The following PCDH15 variants were observed in gnomAD, a reference collection of about 807,000 sequenced individuals.
The protein encoded by PCDH15 is protocadherin-15.
Under a neutral mutation model 178.5 loss-of-function variants are expected in PCDH15, and 129 were observed. The observed-to-expected ratio is 0.72, with a 90% CI of 0.63 to 0.84. The LOEUF (loss-of-function observed/expected upper bound fraction) is 0.84. PCDH15 is among the 40% of genes least tolerant of loss of function. The pLI is 0.00. For synonymous variants in PCDH15, 800 were observed against 732.0 expected (o/e 1.09, Z -1.50); for missense variants, 2,230 against 2,099.9 (o/e 1.06, Z -1.21).
At chr10:54,760,671 G>C (rs1947764553) in intron 1 of PCDH15, among the ~76,000 whole-genome samples, 1 of 152,048 alleles carries the variant, frequency 6.6e-6, no homozygotes, top group Admixed American at 6.5e-5. Context: ...TTATTTATCA[G>C]GACTGTGAAC....
intron 2 of PCDH15, among the ~76,000 whole-genome samples, chr10:55,011,487 G>T (rs574862976): frequency 1.1e-4 from 16 of 152,162 alleles, no homozygotes; most frequent in African/African-American, 3.6e-4. Context: ...TCTAATTGTG[G>T]TTGTGTTACT....
chr10:54,054,940 T>A lies in PCDH15; in HGVS notation c.2220+11817A>T, dbSNP rs187188909. 5.6e-3 allele frequency among the ~76,000 whole-genome samples: 852 copies of A among 152,284 alleles called. 4 individuals are homozygous for A. Among genetic ancestry groups the A allele is most frequent in the Non-Finnish European group, 8.5e-3 (579 of 68,002 alleles). On this transcript the variant is annotated intron_variant, in intron 18 of 37. Coordinates refer to ENST00000644397, the MANE Select transcript of PCDH15 (RefSeq NM_001384140.1). ...AAAGAATTATTACAGTTTTAGGCAC[T>A]GTTGAGTGTCATACTGAGCTACAAA...
intron 3 of PCDH15, among the ~76,000 whole-genome samples, chr10:54,816,381 A>T (rs1216757637): frequency 1.3e-5 from 2 of 152,106 alleles, no homozygotes; most frequent in African/African-American, 4.8e-5. Context: ...AGTGAGGAAG[A>T]AAGACACAGT....
rs116556995 is a variant in PCDH15, at chr10:55,412,445, G to T, written c.-156+215180C>A. Among the ~76,000 whole-genome samples the T allele has an allele frequency of 3.9e-3, 594 of 152,056 alleles. 7 individuals carry two copies. The highest frequency in any genetic ancestry group is 0.013 in the African/African-American group (549 of 41,522). ...AAAGCATGCCTGCATATGTGCAATAGAGTAGAGTGGGGAGTGTGGCTAGGT... is the reference window on the plus strand; with the variant it reads ...AAAGCATGCCTGCATATGTGCAATATAGTAGAGTGGGGAGTGTGGCTAGGT... On this transcript the variant is annotated intron_variant, in intron 2 of 5. Coordinates refer to the PCDH15 transcript ENST00000613346.
At chr10:53,825,251 A>T (rs903611086) in intron 32 of PCDH15, 1 of 1,313,026 alleles carries the variant, frequency 7.6e-7, no homozygotes, top group African/African-American at 1.5e-5. Context: ...TGCTTTAAAC[A>T]AACACTTAGT....
chr10:54,851,577 TTA>T (rs1249214958), intron 3 of PCDH15, among the ~76,000 whole-genome samples: 1 of 152,050 alleles, frequency 6.6e-6, no homozygotes, highest in East Asian at 1.9e-4. Flanking sequence ...TCTGAGTATT[TTA>T]TGTGTGTGTG....
At chr10:55,516,887 A>G (rs1454880216) in intron 2 of PCDH15, among the ~76,000 whole-genome samples, 1 of 152,052 alleles carries the variant, frequency 6.6e-6, no homozygotes, top group Non-Finnish European at 1.5e-5. Context: ...CTCCTCTGTA[A>G]TTTTATATCA....
chr10:55,368,624 G>A (rs1293611608), intron 2 of PCDH15, among the ~76,000 whole-genome samples: 2 of 152,062 alleles, frequency 1.3e-5, no homozygotes, highest in Non-Finnish European at 2.9e-5. Context: ...TTGTGAAATG[G>A]ACAGCTAATA....
rs147638562 is a variant in PCDH15, at chr10:55,047,206, C to T, written c.-80+119370G>A. Among the ~76,000 whole-genome samples, 395 of 151,864 alleles carry T rather than the reference C, an allele frequency of 2.6e-3. 2 individuals carry two copies. The highest frequency in any genetic ancestry group is 9.2e-3 in the African/African-American group (382 of 41,500). ...ATTAGTATGGTTGAAATACTTAATACTATTTAATTCTTGGTACATAGCAAA... is the reference window on the plus strand; with the variant it reads ...ATTAGTATGGTTGAAATACTTAATATTATTTAATTCTTGGTACATAGCAAA... On this transcript the variant is annotated intron_variant, in intron 2 of 5. Coordinates refer to the PCDH15 transcript ENST00000458638.
chr10:54,391,235 T>C (rs1023876016), intron 3 of PCDH15, among the ~76,000 whole-genome samples: 20 of 152,306 alleles, frequency 1.3e-4, no homozygotes, highest in African/African-American at 4.8e-4. Flanking sequence ...ACTCATCCCA[T>C]GCCACCACAG....
At chr10:54,792,629 A>C (rs1455226068) in intron 1 of PCDH15, among the ~76,000 whole-genome samples, 1 of 151,850 alleles carries the variant, frequency 6.6e-6, no homozygotes, top group Admixed American at 6.6e-5. Flanking sequence ...TGAGTCCTTT[A>C]CCATCAGACT....
intron 2 of PCDH15, among the ~76,000 whole-genome samples, chr10:55,039,432 C>T (rs11004696): frequency 0.56 from 84,752 of 151,834 alleles, 24,108 homozygotes; most frequent in East Asian, 0.75. Flanking sequence ...TAAGAATATT[C>T]CTCTTCCAGT....
chr10:53,968,419 C>T (rs951053169), intron 21 of PCDH15, among the ~76,000 whole-genome samples: 1 of 152,202 alleles, frequency 6.6e-6, no homozygotes, highest in African/African-American at 2.4e-5. Context: ...GACTCCACCT[C>T]TGGGGGCAGG....
At chr10:53,974,061 G>A (rs948644808) in intron 21 of PCDH15, among the ~76,000 whole-genome samples, 1 of 151,930 alleles carries the variant, frequency 6.6e-6, no homozygotes, top group East Asian at 1.9e-4. Context: ...TCTGTCGTCC[G>A]GGCTGGAAGG....
intron 2 of PCDH15, among the ~76,000 whole-genome samples, chr10:55,482,898 T>C (rs1185011116): frequency 6.6e-6 from 1 of 151,840 alleles, no homozygotes; most frequent in Non-Finnish European, 1.5e-5. Context: ...TCATGGATGA[T>C]AGCCTTAAAT....
At chr10:55,061,065 A>G (rs1841416596) in intron 2 of PCDH15, among the ~76,000 whole-genome samples, 1 of 152,188 alleles carries the variant, frequency 6.6e-6, no homozygotes, top group African/African-American at 2.4e-5. Context: ...TATGAAAAAA[A>G]TTGATGAACT....
chr10:55,219,563 G>A (rs1211507450), intron 1 of PCDH15, among the ~76,000 whole-genome samples: 1 of 150,718 alleles, frequency 6.6e-6, no homozygotes, highest in Non-Finnish European at 1.5e-5. Flanking sequence ...CAGAATATCA[G>A]AAACATATAT....
At chr10:54,814,189 G>A (rs1952912703) in intron 3 of PCDH15, among the ~76,000 whole-genome samples, 1 of 152,060 alleles carries the variant, frequency 6.6e-6, no homozygotes, top group Non-Finnish European at 1.5e-5. Context: ...TCCTCCATTT[G>A]TTTTACAATG....
intron 34 of PCDH15, among the ~76,000 whole-genome samples, chr10:53,816,959 C>T (rs529794232): frequency 1.3e-5 from 2 of 152,276 alleles, no homozygotes; most frequent in East Asian, 3.9e-4. Flanking sequence ...ATAATACACA[C>T]TTTAACCAGA....
Sources: gnomAD v4.1 joint callset for allele counts (sites outside exome capture counted in the v4.1 genomes callset) on GRCh38, gnomAD v4.1.1 for gene constraint, MANE v1.5 for transcripts, NCBI Gene and HGNC (gene_info 2026-07-23, HGNC 2026-07-21) for gene names.